ADCY1: variants seen among roughly 807,000 people sequenced by gnomAD.
The protein encoded by ADCY1 is adenylate cyclase 1, also known as adenylate cyclase type 1.
In ADCY1, 28 loss-of-function variants were observed where a neutral mutation model predicts 105.4. The ratio of observed to expected loss-of-function variants is 0.27; its 90% CI spans 0.20 to 0.36. The LOEUF (loss-of-function observed/expected upper bound fraction) is 0.36. Ranked by LOEUF, ADCY1 falls within the 10% of genes least tolerant of loss-of-function variation. The probability of loss-of-function intolerance (pLI) is 1.00; values close to 1 mark genes in which losing one functional copy is unlikely to be tolerated. For missense variants in ADCY1, 977 were observed against 1,434.2 expected (o/e 0.68, Z 5.15); for synonymous variants, 655 against 623.8 (o/e 1.05, Z -0.75).
intron 1 of ADCY1, among the ~76,000 whole-genome samples, chr7:45,592,055 T>G (rs897914774): frequency 4.0e-5 from 6 of 149,936 alleles, no homozygotes; most frequent in African/African-American, 1.2e-4. Flanking sequence ...CGTTTTTTGT[T>G]TTTTTTTTTT....
At position 45,679,725 on chromosome 7, in the gene ADCY1, C is replaced by T. The variant is rs751407179; in HGVS notation, c.1915C>T (p.Leu639Phe). ...GTCCCCCAGGAGTGTGGTCGTCCTGCTCCTGCTAGTATTCTGCATCTGCTT... is the reference window on the plus strand; with the variant it reads ...GTCCCCCAGGAGTGTGGTCGTCCTGTTCCTGCTAGTATTCTGCATCTGCTT... ...LIFPQSVVVL[L>F]LLVFCICFLV... Residue 639 changes from leucine to phenylalanine, a missense_variant, in exon 11 of 20, where the codon CTC becomes TTC. Physicochemically the swap from Leu to Phe is conservative, Grantham distance 22. Around this residue, in one of 7 missense-constraint regions of ADCY1, gnomAD observed 275 missense variants for 362.1 expected, o/e 0.76. Transcript: ENST00000297323. The T allele has an allele frequency of 6.2e-7, 1 of 1,614,226 alleles. No individual in the cohort carries two copies. The highest frequency in any genetic ancestry group is 8.5e-7 in the Non-Finnish European group (1 of 1,180,034).
intron 1 of ADCY1, among the ~76,000 whole-genome samples, chr7:45,589,295 C>T (rs1373446726): frequency 6.6e-6 from 1 of 152,102 alleles, no homozygotes; most frequent in African/African-American, 2.4e-5. Flanking sequence ...ACCTTGTGGT[C>T]AGGGAGTGTG....
intron 1 of ADCY1, among the ~76,000 whole-genome samples, chr7:45,589,114 A>G (rs1792825370): frequency 6.6e-6 from 1 of 152,104 alleles, no homozygotes; most frequent in Non-Finnish European, 1.5e-5. Flanking sequence ...GGCAGAAGGC[A>G]GGGCTATGGC....
In ADCY1 at chr7:45,703,314, C is replaced by T. The variant is rs1004906960; in HGVS notation, c.2455-62C>T. ...GTTTGGATGATTAGAAGGAAGTGTG[C>T]GGTGGGAACAAGTGAAGGCAGCGTG... is the stretch of plus-strand genomic sequence containing the variant. On this transcript the variant is annotated intron_variant, in intron 14 of 19. Transcript: ENST00000297323. The surrounding 1 kb of genome is among the most constrained non-coding windows in gnomAD (Gnocchi z 5.9). 6.1e-6 allele frequency: 9 copies of T among 1,482,560 alleles called. No individual in the cohort carries two copies. Among genetic ancestry groups the T allele is most frequent in the East Asian group, 2.3e-5 (1 of 44,192 alleles). The allele number at this position is 1,482,560 out of a possible 1,614,324, so 91.8% of individuals were successfully genotyped here.
At chr7:45,635,207 T>G (rs763575262) in intron 4 of ADCY1, among the ~76,000 whole-genome samples, 4 of 151,916 alleles carry the variant, frequency 2.6e-5, no homozygotes, top group Non-Finnish European at 5.9e-5. Flanking sequence ...CCTTCTAATA[T>G]CTGTAGAATC....
chr7:45,586,170 G>T (rs1035036624), intron 1 of ADCY1, among the ~76,000 whole-genome samples: 1 of 152,130 alleles, frequency 6.6e-6, no homozygotes, highest in Non-Finnish European at 1.5e-5. Context: ...TCGCGAGTGT[G>T]CATGACCTGG....
intron 1 of ADCY1, among the ~76,000 whole-genome samples, chr7:45,587,979 C>T (rs1289423237): frequency 6.6e-6 from 1 of 152,228 alleles, no homozygotes; most frequent in Non-Finnish European, 1.5e-5. Context: ...TGAGCCCATA[C>T]TGAAGGAGTG....
chr7:45,586,099 T>C (rs1792714954), intron 1 of ADCY1, among the ~76,000 whole-genome samples: 1 of 152,184 alleles, frequency 6.6e-6, no homozygotes, highest in Non-Finnish European at 1.5e-5. Flanking sequence ...CTCACTTTCC[T>C]GCTGGTGTCC....
chr7:45,648,519 G>A, intron 4 of ADCY1, 151 bp from the exon 5 acceptor site: 3 of 998,146 alleles, frequency 3.0e-6, no homozygotes, highest in South Asian at 3.1e-5. Flanking sequence ...ACCACGCAAG[G>A]GTGTGGCCTG....
intron 1 of ADCY1, among the ~76,000 whole-genome samples, chr7:45,578,836 C>T (rs982349599): frequency 6.6e-6 from 1 of 152,248 alleles, no homozygotes; most frequent in Non-Finnish European, 1.5e-5. Context: ...CCTTGAAATA[C>T]CCACTTTTTG....
At chr7:45,610,898 G>GC (rs1793555846) in intron 3 of ADCY1, among the ~76,000 whole-genome samples, 1 of 149,384 alleles carries the variant, frequency 6.7e-6, no homozygotes. Context: ...TGGTGGAGGT[G>GC]GGGAGGTGAT....
chr7:45,616,628 A>G (rs1011993748), intron 3 of ADCY1, among the ~76,000 whole-genome samples: 1 of 152,238 alleles, frequency 6.6e-6, no homozygotes, highest in Non-Finnish European at 1.5e-5. Context: ...CTTTCGTGAT[A>G]AAAATTCTCA....
intron 8 of ADCY1, among the ~76,000 whole-genome samples, chr7:45,666,899 T>C (rs1388573983): frequency 2.6e-5 from 4 of 152,266 alleles, no homozygotes; most frequent in Non-Finnish European, 4.4e-5. Flanking sequence ...CATTTTTTCA[T>C]GTGTTTTTTG....
chr7:45,674,627 C>A (rs1784423294), intron 8 of ADCY1, among the ~76,000 whole-genome samples: 1 of 152,230 alleles, frequency 6.6e-6, no homozygotes, highest in African/African-American at 2.4e-5. Context: ...CCCACTTGGC[C>A]TCCCAAAGTG....
At chr7:45,599,579 T>C (rs1038668934) in intron 2 of ADCY1, among the ~76,000 whole-genome samples, 1 of 151,296 alleles carries the variant, frequency 6.6e-6, no homozygotes, top group Admixed American at 6.6e-5. Context: ...CTCTGCGGCA[T>C]GTCCTCGGGG....
At position 45,717,744 on chromosome 7, in the gene ADCY1, G is replaced by A. The variant is rs2280495; in HGVS notation, c.*3749G>A. ...TGCTTGCAAGGGACCATGCCGGCCCGGGTGGTCCATGCCTGCGGGGTGTCT... is the reference window on the plus strand; with the variant it reads ...TGCTTGCAAGGGACCATGCCGGCCCAGGTGGTCCATGCCTGCGGGGTGTCT... On this transcript the variant is annotated 3_prime_UTR_variant, in exon 20 of 20. Transcript: ENST00000297323. 0.16 allele frequency: 24,892 copies of A among 152,304 alleles called. 2,608 individuals carry two copies. The highest frequency in any genetic ancestry group is 0.23 in the Non-Finnish European group (15,392 of 68,000). The allele number at this position is 152,304 out of a possible 1,614,324, so 9.4% of individuals were successfully genotyped here. A position where few individuals can be genotyped will look rare whatever the true frequency, so the allele number is the denominator to read the frequency against.
At chr7:45,649,010 T>C (rs1042296690) in intron 5 of ADCY1, among the ~76,000 whole-genome samples, 7 of 152,234 alleles carry the variant, frequency 4.6e-5, no homozygotes, top group Admixed American at 4.6e-4. Context: ...TCCCTGCCTT[T>C]ACATTTCGTG....
At position 45,663,082 on chromosome 7, in the gene ADCY1, G is replaced by A. The variant is rs556291235; in HGVS notation, c.1605+868G>A. Among the ~76,000 whole-genome samples the A allele has an allele frequency of 4.6e-5, 7 of 152,354 alleles. No homozygotes were observed. The East Asian group carries it at 1.2e-3, about 25-fold the overall frequency. On this transcript the variant is annotated intron_variant, in intron 8 of 19. Transcript: ENST00000297323. ...ATGTCTGTGGTGGTCCCAGTAGGGC[G>A]TGTGCCTAGGACAAGAGGAACAGGT...
intron 4 of ADCY1, among the ~76,000 whole-genome samples, chr7:45,626,745 T>A (rs1794070757): frequency 6.6e-6 from 1 of 152,210 alleles, no homozygotes; most frequent in African/African-American, 2.4e-5. Context: ...GTAAATGGGA[T>A]CCATTTGGGC....
Sources: allele counts gnomAD v4.1 joint callset (sites outside exome capture counted in the v4.1 genomes callset), GRCh38; gene constraint gnomAD v4.1.1; regional missense constraint gnomAD v4.1.1; non-coding constraint Gnocchi (gnomAD v3.1); transcripts MANE v1.5; gene names NCBI Gene and HGNC (gene_info 2026-07-23, HGNC 2026-07-21).